The following NRDC variants were observed in gnomAD, a reference collection of about 807,000 sequenced individuals.
NRDC encodes nardilysin.
In NRDC, 54 loss-of-function variants were observed where a neutral mutation model predicts 147.1. The ratio of observed to expected loss-of-function variants is 0.37; its 90% CI spans 0.29 to 0.46. The LOEUF (loss-of-function observed/expected upper bound fraction) is 0.46. Among genes scored for constraint, NRDC ranks in the 20% least tolerant of loss-of-function variants. The probability of loss-of-function intolerance (pLI) is 1.00; values close to 1 mark genes in which losing one functional copy is unlikely to be tolerated. For synonymous variants in NRDC, 440 were observed against 482.1 expected, an observed-to-expected ratio of 0.91 and a Z score of 1.14; for missense variants, 1,082 against 1,370.6, an observed-to-expected ratio of 0.79 and a Z score of 3.33.
intron 1 of NRDC, among the ~76,000 whole-genome samples, chr1:51,854,480 T>G (rs769793674): frequency 2.6e-5 from 4 of 152,146 alleles, no homozygotes; most frequent in African/African-American, 7.2e-5. Flanking sequence ...ACAAGATTGA[T>G]GGGTGACAAA....
chr1:51,817,237 G>A (rs1470530938), intron 10 of NRDC, among the ~76,000 whole-genome samples: 3 of 152,070 alleles, frequency 2.0e-5, no homozygotes, highest in Non-Finnish European at 4.4e-5. Context: ...AATTTGGCTG[G>A]GCACAGTGGC....
intron 1 of NRDC, among the ~76,000 whole-genome samples, chr1:51,843,726 T>TA (rs1681390288): frequency 6.6e-6 from 1 of 152,204 alleles, no homozygotes; most frequent in Admixed American, 6.5e-5. Flanking sequence ...CAGGACAAGT[T>TA]AAAATCCAAG....
At chr1:51,804,718 C>T (rs181577401) in intron 19 of NRDC, among the ~76,000 whole-genome samples, 24 of 152,172 alleles carry the variant, frequency 1.6e-4, no homozygotes, top group African/African-American at 4.6e-4. Context: ...AGATACATTT[C>T]CCAAGTATCT....
chr1:51,876,355 G>A (rs916583099), intron 1 of NRDC, among the ~76,000 whole-genome samples: 9 of 152,114 alleles, frequency 5.9e-5, no homozygotes, highest in African/African-American at 1.9e-4. Context: ...TTGCGTATAC[G>A]TAATGAGGTA....
intron 9 of NRDC, among the ~76,000 whole-genome samples, chr1:51,818,622 A>G (rs1680075537): frequency 6.6e-6 from 1 of 152,242 alleles, no homozygotes; most frequent in Non-Finnish European, 1.5e-5. Flanking sequence ...CAGAAAGAAT[A>G]CAATAAAAAG....
chr1:51,800,605 A>G lies in NRDC; in HGVS notation c.2392T>C (p.Leu798=), dbSNP rs1679148463. 1 of 1,614,030 alleles carries G rather than the reference A, an allele frequency of 6.2e-7. No homozygotes were observed. Among genetic ancestry groups the G allele is most frequent in the African/African-American group, 1.3e-5 (1 of 74,940 alleles). Residue 798 remains leucine (L), a synonymous_variant, in exon 21 of 31, where the codon TTG becomes CTG. Transcript: ENST00000352171. Reference sequence around the variant, plus strand: ...AGGATGTTAAAGTAGGTCTTCTTCAACTGCTCAGTTATCATTGTAAAGACA... The same window carrying G: ...AGGATGTTAAAGTAGGTCTTCTTCAGCTGCTCAGTTATCATTGTAAAGACA... ...PAVFTMITEQ[L]KKTYFNILIK...
intron 19 of NRDC, 79 bp downstream of exon 19, chr1:51,805,431 C>T: frequency 3.6e-6 from 4 of 1,105,784 alleles, no homozygotes; most frequent in Non-Finnish European, 5.2e-6. Context: ...GAGAAAATGA[C>T]AGAATGATTT....
Position 51,834,006 on chromosome 1 carries a change from G to A in NRDC, c.866+11C>T. ...GATCATTAAAATTAAAGTATATTTA[G>A]AGTTAGTTACCTATCAAGAGCTTCC... On this transcript the variant is annotated intron_variant, in intron 4 of 30. Coordinates refer to ENST00000352171, the MANE Select transcript of NRDC (RefSeq NM_001101662.2). 1 of 1,609,908 alleles carries A rather than the reference G, an allele frequency of 6.2e-7. No individual in the cohort carries two copies. The highest frequency in any genetic ancestry group is 1.3e-5 in the African/African-American group (1 of 74,946).
intron 29 of NRDC, chr1:51,789,908 A>G: frequency 2.0e-6 from 1 of 487,804 alleles, no homozygotes; most frequent in Non-Finnish European, 3.7e-6. Context: ...TAAATACCAT[A>G]CACTGAGCCC....
At chr1:51,806,117 G>A (rs143237626) in intron 18 of NRDC, among the ~76,000 whole-genome samples, 1 of 152,182 alleles carries the variant, frequency 6.6e-6, no homozygotes. Context: ...CTTATGCCAT[G>A]TTCAAGAACA....
At chr1:51,850,814 G>C (rs1238854218) in intron 1 of NRDC, among the ~76,000 whole-genome samples, 1 of 152,152 alleles carries the variant, frequency 6.6e-6, no homozygotes, top group Non-Finnish European at 1.5e-5. Context: ...GCAAATCATA[G>C]GGGAGGTCAG....
chr1:51,816,336 C>T lies in NRDC; in HGVS notation c.1415G>A (p.Ser472Asn). Residue 472 changes from serine (S) to asparagine (N), a missense_variant, in exon 11 of 31, where the codon AGC (serine) becomes AAC (asparagine). Ser to Asn is a conservative substitution (Grantham distance 46, BLOSUM62 1). Coordinates refer to ENST00000352171, the MANE Select transcript of NRDC (RefSeq NM_001101662.2). ...CTTTTTCCTAAGGAAAGAAAGAATG[C>T]TGCCTTTGCCTTCATGTCCAACCAG... ...SWLVGHEGKG[S>N]ILSFLRKKCW... 1.3e-6 allele frequency: 2 copies of T among 1,597,770 alleles called. No homozygotes were observed. Among genetic ancestry groups the T allele is most frequent in the Non-Finnish European group, 1.7e-6 (2 of 1,171,688 alleles).
intron 2 of NRDC, among the ~76,000 whole-genome samples, chr1:51,838,768 T>C (rs1287445727): frequency 6.6e-6 from 1 of 152,166 alleles, no homozygotes; most frequent in Non-Finnish European, 1.5e-5. Flanking sequence ...CTATTAATGC[T>C]CTATTTGGAA....
chr1:51,831,172 C>T (rs1394409966), intron 4 of NRDC, among the ~76,000 whole-genome samples: 2 of 152,140 alleles, frequency 1.3e-5, no homozygotes, highest in African/African-American at 4.8e-5. Context: ...TTGTACAAAA[C>T]ATATTTAGAA....
chr1:51,875,654 G>A (rs1683289117), intron 1 of NRDC, among the ~76,000 whole-genome samples: 1 of 151,968 alleles, frequency 6.6e-6, no homozygotes, highest in Non-Finnish European at 1.5e-5. Flanking sequence ...AACCTCTCAG[G>A]CTAAGGAATC....
At position 51,794,837 on chromosome 1, in the gene NRDC, C is replaced by T. The variant is rs1441854657; in HGVS notation, c.2622G>A (p.Leu874=). ...NVTSTESMDF[L]KYVVDKLNFK... ...CAAATACTTACTCAACAACATATTT[C>T]AGGAAATCCATAGATTCCTAAGAGG... is the stretch of plus-strand genomic sequence containing the variant. Residue 874 remains leucine (L), a synonymous_variant, in exon 23 of 31, where the codon CTG becomes CTA. Coordinates refer to ENST00000352171, the MANE Select transcript of NRDC (RefSeq NM_001101662.2). 1.9e-6 allele frequency: 3 copies of T among 1,614,070 alleles called. No individual in the cohort carries two copies. The highest frequency in any genetic ancestry group is 1.7e-5 in the Admixed American group (1 of 60,000).
At chr1:51,811,148 AGT>A (rs1208482259) in intron 15 of NRDC, among the ~76,000 whole-genome samples, 2 of 152,192 alleles carry the variant, frequency 1.3e-5, no homozygotes, top group Non-Finnish European at 2.9e-5. Context: ...CAACCATCCT[AGT>A]GACATGGCAA....
In NRDC at chr1:51,867,642, CAAG is replaced by C. The variant is rs148947029; in HGVS notation, c.341+10630_341+10632del. Among the ~76,000 whole-genome samples, 1,430 of 152,214 alleles carry C rather than the reference CAAG, an allele frequency of 9.4e-3. 23 individuals are homozygous for C. The highest frequency in any genetic ancestry group is 0.033 in the African/African-American group (1,363 of 41,532). ...TGAAAGTCAACTGATCAAAGCATTT[CAAG>C]AAGAATGGTGAACTATGCAGTATGA... On this transcript the variant is annotated intron_variant, in intron 1 of 30. Transcript: ENST00000352171.
chr1:51,827,805 C>T lies in NRDC; in HGVS notation c.931G>A (p.Val311Ile), dbSNP rs143709352. 64 of 1,613,636 alleles carry T rather than the reference C, an allele frequency of 4.0e-5. No homozygotes were observed. The highest frequency in any genetic ancestry group is 5.3e-5 in the African/African-American group (4 of 74,924). The part of the protein sequence containing the change: ...RDAIDREVEA[V>I]DSEYQLARPS... ...AAAGTACTCCTCTTACCACTATCAA[C>T]AGCTTCAACTTCACGGTCAATTGCA... The change falls in exon 5 of 31, where the codon GTT (valine) becomes ATT (isoleucine). Residue 311 changes from valine (V) to isoleucine (I), a missense_variant. Val to Ile is a conservative substitution (Grantham distance 29, BLOSUM62 3). This residue lies in a region of NRDC where 635 missense variants were observed against 923.8 expected (regional missense o/e 0.69). Transcript: ENST00000352171.
Sources: gnomAD v4.1 joint callset for allele counts (sites outside exome capture counted in the v4.1 genomes callset) on GRCh38, gnomAD v4.1.1 for gene constraint, gnomAD v4.1.1 regional missense constraint, MANE v1.5 for transcripts, NCBI Gene and HGNC (gene_info 2026-07-23, HGNC 2026-07-21) for gene names.